CD47: variants seen among roughly 807,000 people sequenced by gnomAD.
The protein encoded by CD47 is leukocyte surface antigen CD47.
CD47 carries 11 observed loss-of-function variants against 44.6 expected under a neutral mutation model. The ratio of observed to expected loss-of-function variants is 0.25; its 90% confidence interval spans 0.16 to 0.41. The LOEUF is 0.41. CD47 is among the 10% of genes least tolerant of loss of function. CD47 has a pLI of 1.00. For synonymous variants in CD47, 140 were observed against 136.3 expected (o/e 1.03, Z -0.19); for missense variants, 306 against 386.7 (o/e 0.79, Z 1.75).
chr3:108,061,292 G>A (rs2079012159), intron 3 of CD47, among the ~76,000 whole-genome samples: 1 of 150,856 alleles, frequency 6.6e-6, no homozygotes, highest in Non-Finnish European at 1.5e-5. Flanking sequence ...TGCCCCCGAT[G>A]AGCAAAACCA....
intron 9 of CD47, among the ~76,000 whole-genome samples, chr3:108,050,194 T>G (rs1198489170): frequency 1.3e-5 from 2 of 152,176 alleles, no homozygotes; most frequent in African/African-American, 4.8e-5. Flanking sequence ...CTCAACTCAC[T>G]GCAACATCTG....
intron 3 of CD47, among the ~76,000 whole-genome samples, 190 bp downstream of exon 3, chr3:108,070,903 A>C (rs2079188188): frequency 6.6e-6 from 1 of 152,234 alleles, no homozygotes; most frequent in Non-Finnish European, 1.5e-5. Context: ...CTTAGGAATT[A>C]AAAGTGAACT....
intron 1 of CD47, among the ~76,000 whole-genome samples, chr3:108,083,415 A>T (rs1472484700): frequency 6.6e-6 from 1 of 152,050 alleles, no homozygotes; most frequent in Non-Finnish European, 1.5e-5. Flanking sequence ...TTAAAAATGC[A>T]ATCAACATTT....
intron 8 of CD47, 33 bp from the exon 9 acceptor site, chr3:108,050,635 A>C: frequency 1.3e-6 from 1 of 760,138 alleles, no homozygotes; most frequent in Non-Finnish European, 2.1e-6. Context: ...TTACATAAAA[A>C]TATAATTTAT....
chr3:108,089,824 T>C (rs1428221436), intron 1 of CD47, among the ~76,000 whole-genome samples: 1 of 152,142 alleles, frequency 6.6e-6, no homozygotes, highest in African/African-American at 2.4e-5. Context: ...AATGTAACAA[T>C]TGCTGTCACT....
rs536924697 is a variant in CD47 at position 108,069,138 on chromosome 3, C to T, written c.490+1955G>A. Reference sequence around the variant, plus strand: ...CATCTGCAATAGTAGTTGATACAAACGTTTCTGGAAAACATTTTGCCAGTA... The same window carrying T: ...CATCTGCAATAGTAGTTGATACAAATGTTTCTGGAAAACATTTTGCCAGTA... On this transcript the variant is annotated intron_variant, in intron 3 of 10. Transcript: ENST00000361309. Among the ~76,000 whole-genome samples, 8 of 152,260 alleles carry T rather than the reference C, an allele frequency of 5.3e-5. No homozygotes were observed. In the South Asian group the frequency reaches 1.0e-3, roughly 20 times the overall value.
In CD47 at chr3:108,068,063, T is replaced by A. The variant is rs184407457; in HGVS notation, c.490+3030A>T. Among the ~76,000 whole-genome samples the A allele has an allele frequency of 1.9e-3, 293 of 152,132 alleles. 1 individual carries two copies. The highest frequency in any genetic ancestry group is 2.3e-3 in the Non-Finnish European group (155 of 67,972). ...GCCAAGTACAGACCATAAATGGTAA[T>A]CAGGAAAAGTTAAGCAGAACTAGAA... On this transcript the variant is annotated intron_variant, in intron 3 of 10. Transcript: ENST00000361309.
chr3:108,066,921 A>G (rs1166638163), intron 3 of CD47, among the ~76,000 whole-genome samples: 2 of 152,312 alleles, frequency 1.3e-5, no homozygotes, highest in East Asian at 3.9e-4. Context: ...AATAAACTTT[A>G]AACATTCAAA....
intron 10 of CD47, among the ~76,000 whole-genome samples, chr3:108,048,025 A>C (rs1037265178): frequency 1.5e-4 from 23 of 152,164 alleles, no homozygotes; most frequent in African/African-American, 4.8e-4. Context: ...CTACAGAACA[A>C]TGACACCACC....
intron 10 of CD47, among the ~76,000 whole-genome samples, 175 bp from the exon 11 acceptor site, chr3:108,047,467 G>A (rs989082921): frequency 1.3e-5 from 2 of 152,196 alleles, no homozygotes; most frequent in African/African-American, 4.8e-5. Flanking sequence ...ATTTCAGTAA[G>A]AAAAAGGCCA....
chr3:108,063,225 A>T (rs760189728), intron 3 of CD47, among the ~76,000 whole-genome samples: 33 of 152,288 alleles, frequency 2.2e-4, no homozygotes, highest in Middle Eastern at 6.8e-3. Context: ...TCCTTAAATT[A>T]AGTAGCCATT....
rs551376467 is a variant in CD47, at chr3:108,072,519, G to A, written c.401-1337C>T. ...GTAGTAGAGACTCCATATGTTTGCT[G>A]TTGAGGGTTGCAATGGTCATAAGAC... On this transcript the variant is annotated intron_variant, in intron 2 of 10. Coordinates refer to ENST00000361309, the MANE Select transcript of CD47 (RefSeq NM_001777.4). Among the ~76,000 whole-genome samples, 4 of 152,290 alleles carry A rather than the reference G, an allele frequency of 2.6e-5. No homozygotes were observed. In the East Asian group the frequency reaches 7.7e-4, roughly 29 times the overall value.
chr3:108,052,338 A>C (rs2078843253), intron 7 of CD47: 1 of 207,414 alleles, frequency 4.8e-6, no homozygotes, highest in Non-Finnish European at 9.8e-6. Flanking sequence ...GTGTAGACAG[A>C]ATGTGCCAGA....
chr3:108,056,208 T>C (rs1254459240), intron 7 of CD47, among the ~76,000 whole-genome samples: 1 of 152,226 alleles, frequency 6.6e-6, no homozygotes, highest in East Asian at 1.9e-4. Flanking sequence ...ACCACATGAA[T>C]TCCATTCTGC....
intron 10 of CD47, among the ~76,000 whole-genome samples, chr3:108,047,668 T>C (rs1161076320): frequency 6.6e-6 from 1 of 152,182 alleles, no homozygotes; most frequent in African/African-American, 2.4e-5. Context: ...CAGCTGTAGA[T>C]GAAAGAGAAA....
chr3:108,079,538 C>T (rs1011647090), intron 2 of CD47, among the ~76,000 whole-genome samples: 2 of 120,090 alleles, frequency 1.7e-5, no homozygotes, highest in East Asian at 3.0e-4. Context: ...ATGGCTGGGA[C>T]TTGTCATCCC....
intron 1 of CD47, among the ~76,000 whole-genome samples, chr3:108,089,672 T>A (rs894368277): frequency 1.3e-5 from 2 of 152,068 alleles, no homozygotes; most frequent in African/African-American, 4.8e-5. Context: ...AGTCCCAACA[T>A]CCAGGATGCT....
intron 8 of CD47, 134 bp downstream of exon 8, chr3:108,051,805 G>T: frequency 1.4e-6 from 1 of 739,936 alleles, no homozygotes; most frequent in Non-Finnish European, 2.5e-6. Flanking sequence ...TTCATGCAAA[G>T]GTCATGCAAT....
At chr3:108,071,581 T>C (rs946622369) in intron 2 of CD47, among the ~76,000 whole-genome samples, 35 of 152,218 alleles carry the variant, frequency 2.3e-4, no homozygotes, top group Admixed American at 2.2e-3. Context: ...ACTGTTACAC[T>C]AGTATAACAC....
Sources: gnomAD v4.1 joint callset for allele counts (sites outside exome capture counted in the v4.1 genomes callset) on GRCh38, gnomAD v4.1.1 for gene constraint, MANE v1.5 for transcripts, NCBI Gene and HGNC (gene_info 2026-07-23, HGNC 2026-07-21) for gene names.